ATR: variants seen among roughly 807,000 people sequenced by gnomAD.
ATR encodes serine/threonine-protein kinase ATR.
ATR carries 142 observed loss-of-function variants against 305.3 expected under a neutral mutation model. That is an observed-to-expected ratio of 0.47 (90% CI 0.41 to 0.53). The LOEUF (loss-of-function observed/expected upper bound fraction) is 0.53. Among genes scored for constraint, ATR ranks in the 20% least tolerant of loss-of-function variants. ATR has a pLI of 0.00. For synonymous variants in ATR, 1,050 were observed against 1,068.1 expected (o/e 0.98, Z 0.33); for missense variants, 2,135 against 3,133.1 (o/e 0.68, Z 7.60).
At chr3:142,475,453 T>A (rs1158768484) in intron 36 of ATR, among the ~76,000 whole-genome samples, 1 of 152,232 alleles carries the variant, frequency 6.6e-6, no homozygotes, top group Non-Finnish European at 1.5e-5. Context: ...CTGCATAGTA[T>A]TCCATGGGGT....
chr3:142,496,254 T>G, intron 34 of ATR, 107 bp downstream of exon 34: 1 of 259,166 alleles, frequency 3.9e-6, no homozygotes, highest in East Asian at 1.2e-4. Context: ...CAGTTGGCCT[T>G]TTAAGGAAGT....
chr3:142,463,461 A>T (rs2071062404), intron 41 of ATR, among the ~76,000 whole-genome samples: 1 of 152,188 alleles, frequency 6.6e-6, no homozygotes, highest in South Asian at 2.1e-4. Flanking sequence ...CAGTGGCACG[A>T]TCTGGGCTCA....
rs560420918 is a variant in ATR, at chr3:142,465,058, A to AT, written c.7041+38_7041+39insA. 19 of 1,288,210 alleles carry AT rather than the reference A, an allele frequency of 1.5e-5. No individual in the cohort carries two copies. The South Asian group carries it at 3.8e-4, about 26-fold the overall frequency. The allele number at this position is 1,288,210 out of a possible 1,614,324, so 79.8% of individuals were successfully genotyped here. A position where few individuals can be genotyped will look rare whatever the true frequency, so the allele number is the denominator to read the frequency against. On this transcript the variant is annotated intron_variant, in intron 41 of 46. Coordinates refer to ENST00000350721, the MANE Select transcript of ATR (RefSeq NM_001184.4). The stretch of plus-strand genomic sequence containing the variant: ...ATAGTCAAAAATTTTTTTAAAATAA[A>AT]AAATAAATAAATAAAATAAAAGCAA...
intron 1 of ATR, among the ~76,000 whole-genome samples, chr3:142,572,372 C>CTTTTTTTTTTTTTTTTTTTTT (rs11318957): frequency 3.5e-5 from 2 of 56,802 alleles, no homozygotes; most frequent in Non-Finnish European, 3.2e-5. Context: ...CCCGGCCTGA[C>CTTTTTTTTTTTTTTTTTTTTT]TTTTTTTTTT....
rs376200414 is a variant in ATR, at chr3:142,485,298, T to C, written c.6079-16A>G. 16 of 1,613,684 alleles carry C rather than the reference T, an allele frequency of 9.9e-6. No homozygotes were observed. In the East Asian group the frequency reaches 1.1e-4, roughly 11 times the overall value. ...CGGTCACATCCTATAAAAAAGAACA[T>C]AGGATACCTACCTAAGGAAATCCCA... On this transcript the variant is annotated splice_polypyrimidine_tract_variant and intron_variant, in intron 35 of 46. Transcript: ENST00000350721.
At chr3:142,450,781 G>A (rs1170233359) in intron 46 of ATR, 2 of 1,454,302 alleles carry the variant, frequency 1.4e-6, no homozygotes, top group East Asian at 2.5e-5. Context: ...TTATCACACT[G>A]CGTGGACAGA....
chr3:142,474,113 G>C (rs1221705015), intron 36 of ATR, among the ~76,000 whole-genome samples: 1 of 151,724 alleles, frequency 6.6e-6, no homozygotes, highest in Admixed American at 6.6e-5. Flanking sequence ...TTTCAGTAGA[G>C]ACTAGGTTTC....
At chr3:142,453,316 A>G (rs2070833142) in intron 45 of ATR, 83 bp from the exon 46 acceptor site, 2 of 1,463,592 alleles carry the variant, frequency 1.4e-6, no homozygotes, top group African/African-American at 1.4e-5. Context: ...GTGAAGGATG[A>G]GAAGCTAATG....
At chr3:142,535,829 A>G (rs2033835606) in intron 20 of ATR, among the ~76,000 whole-genome samples, 1 of 152,168 alleles carries the variant, frequency 6.6e-6, no homozygotes, top group East Asian at 1.9e-4. Flanking sequence ...TTTTGGGACA[A>G]TAAGTAAGGA....
intron 46 of ATR, chr3:142,452,060 AT>A: frequency 9.8e-7 from 1 of 1,021,852 alleles, no homozygotes; most frequent in Non-Finnish European, 1.2e-6. Context: ...GATGAAGATA[AT>A]AGAGCAAGAA....
chr3:142,458,982 T>C lies in ATR; in HGVS notation c.7479A>G (p.Val2493=), dbSNP rs1577496610. The change falls in exon 44 of 47, where the codon GTA becomes GTG. Residue 2493 remains valine (V), a synonymous_variant. Coordinates refer to ENST00000350721, the MANE Select transcript of ATR (RefSeq NM_001184.4). ...FDSLTGECVH[V]DFNCLFNKGE... ...CCTTATTGAAAAGACAATTGAAATC[T>C]ACATGTACGCATTCACCAGTCAAAG... is the stretch of plus-strand genomic sequence containing the variant. 6.2e-7 allele frequency: 1 copy of C among 1,613,880 alleles called. No homozygotes were observed. The highest frequency in any genetic ancestry group is 8.5e-7 in the Non-Finnish European group (1 of 1,179,770).
intron 3 of ATR, among the ~76,000 whole-genome samples, chr3:142,564,976 G>T (rs2035015997): frequency 6.6e-6 from 1 of 152,064 alleles, no homozygotes; most frequent in African/African-American, 2.4e-5. Context: ...ACAGGATTTT[G>T]CCATGTTGCC....
chr3:142,511,678 A>C (rs948840771), intron 27 of ATR, among the ~76,000 whole-genome samples: 5 of 152,050 alleles, frequency 3.3e-5, no homozygotes, highest in African/African-American at 1.2e-4. Flanking sequence ...ATAAATAAAA[A>C]TAAAAATATT....
chr3:142,522,195 G>C (rs2033174856), intron 23 of ATR, among the ~76,000 whole-genome samples: 1 of 152,132 alleles, frequency 6.6e-6, no homozygotes, highest in Admixed American at 6.5e-5. Flanking sequence ...TAGTAACAAA[G>C]TATTTTTTAA....
At chr3:142,535,298 A>G in intron 20 of ATR, 93 bp from the exon 21 acceptor site, 1 of 1,411,502 alleles carries the variant, frequency 7.1e-7, no homozygotes, top group African/African-American at 1.4e-5. Flanking sequence ...TTACCATTAA[A>G]CTATACCAAA....
rs2034924169 is a variant in ATR, at chr3:142,562,634, A to T, written c.768T>A (p.Phe256Leu). ...SLAISFLTEL[F>L]QLGGLPAQPA... The stretch of plus-strand genomic sequence containing the variant: ...GTTGTGCTGGTAGTCCTCCAAGCTG[A>T]AAAAGTTCTGTTAAAAAGCTAATTG... Residue 256 changes from phenylalanine to leucine, a missense_variant, in exon 4 of 47, where the codon TTT becomes TTA. Phe to Leu is a conservative substitution (Grantham distance 22). Around this residue, in one of 9 missense-constraint regions of ATR, gnomAD observed 744 missense variants for 873.2 expected, o/e 0.85. Coordinates refer to ENST00000350721, the MANE Select transcript of ATR (RefSeq NM_001184.4). The T allele has an allele frequency of 6.2e-7, 1 of 1,614,006 alleles. No homozygotes were observed. The highest frequency in any genetic ancestry group is 8.5e-7 in the Non-Finnish European group (1 of 1,180,014).
At chr3:142,455,906 A>G (rs188785600) in intron 45 of ATR, among the ~76,000 whole-genome samples, 2 of 152,392 alleles carry the variant, frequency 1.3e-5, no homozygotes, top group Admixed American at 1.3e-4. Flanking sequence ...ATCAAAATTT[A>G]AAACTTTTAT....
At chr3:142,559,147 T>G in intron 7 of ATR, 104 bp downstream of exon 7, 2 of 1,255,628 alleles carry the variant, frequency 1.6e-6, no homozygotes, top group Non-Finnish European at 2.2e-6. Context: ...AAAAAACTTC[T>G]GAGTATTCCA....
intron 21 of ATR, among the ~76,000 whole-genome samples, chr3:142,525,804 C>T (rs774184278): frequency 2.6e-5 from 4 of 152,174 alleles, no homozygotes; most frequent in Non-Finnish European, 5.9e-5. Context: ...GATATGCCAA[C>T]TCCCCTTCCC....
Sources: allele counts gnomAD v4.1 joint callset (sites outside exome capture counted in the v4.1 genomes callset), GRCh38; gene constraint gnomAD v4.1.1; regional missense constraint gnomAD v4.1.1; transcripts MANE v1.5; gene names NCBI Gene and HGNC (gene_info 2026-07-23, HGNC 2026-07-21).